Variants in CHRDL1 observed in about 807,000 individuals in gnomAD.
The protein encoded by CHRDL1 is chordin-like protein 1.
CHRDL1 carries 19 observed loss-of-function variants against 40.9 expected under a neutral mutation model. The ratio of observed to expected loss-of-function variants is 0.46; its 90% CI spans 0.32 to 0.68. The LOEUF (loss-of-function observed/expected upper bound fraction) is 0.68. Ranked by LOEUF, CHRDL1 falls within the 30% of genes least tolerant of loss-of-function variation. CHRDL1 has a pLI of 0.03. For missense variants in CHRDL1, 329 were observed against 352.1 expected, an observed-to-expected ratio of 0.93 and a Z score of 0.53; for synonymous variants, 136 against 123.4, an observed-to-expected ratio of 1.10 and a Z score of -0.68.
In CHRDL1 at chrX:110,745,922, G is replaced by A. The variant is rs749291991; in HGVS notation, c.301+13739C>T. Among the ~76,000 whole-genome samples, 4 of 112,273 alleles carry A rather than the reference G, an allele frequency of 3.6e-5. No individual in the cohort carries two copies. In the South Asian group the frequency reaches 1.1e-3, roughly 31 times the overall value. ...CTTCTCTGACTAAGGCTGCTGTCCAGTATTTCTCAATAGAGCCACCACTGG... is the reference window on the plus strand; with the variant it reads ...CTTCTCTGACTAAGGCTGCTGTCCAATATTTCTCAATAGAGCCACCACTGG... On this transcript the variant is annotated intron_variant, in intron 4 of 11. Coordinates refer to ENST00000372042, the MANE Select transcript of CHRDL1 (RefSeq NM_001143981.2).
chrX:110,708,858 C>A (rs772048135), intron 6 of CHRDL1, among the ~76,000 whole-genome samples: 1 of 111,332 alleles, frequency 9.0e-6, no homozygotes, highest in African/African-American at 3.3e-5. Context: ...TCAGAGCAGT[C>A]CCAATGCATC....
At chrX:110,713,654 T>G (rs2070784967) in intron 6 of CHRDL1, among the ~76,000 whole-genome samples, 1 of 112,441 alleles carries the variant, frequency 8.9e-6, no homozygotes, top group Non-Finnish European at 1.9e-5. Context: ...GCTCTGCCAC[T>G]TACTACCATT....
At chrX:110,769,612 T>C (rs2089720096) in intron 2 of CHRDL1, among the ~76,000 whole-genome samples, 1 of 112,104 alleles carries the variant, frequency 8.9e-6, no homozygotes, top group African/African-American at 3.2e-5. Context: ...TTATTGGACT[T>C]ATAGTTCTAT....
chrX:110,758,468 T>C (rs2089498655), intron 4 of CHRDL1, among the ~76,000 whole-genome samples: 2 of 111,647 alleles, frequency 1.8e-5, no homozygotes, highest in Non-Finnish European at 3.8e-5. Flanking sequence ...GTGTATTTAC[T>C]GATGCAGGAA....
In CHRDL1 at chrX:110,744,336, AT is replaced by A. The variant is rs57441558; in HGVS notation, c.301+15324del. On this transcript the variant is annotated intron_variant, in intron 4 of 11. Coordinates refer to ENST00000372042, the MANE Select transcript of CHRDL1 (RefSeq NM_001143981.2). ...TCTTATGTATCCTGTCCTTTTAGTG[AT>A]TTTTTTCCCCCTTTTTGCTTCTTCC... Among the ~76,000 whole-genome samples the A allele has an allele frequency of 6.2e-3, 691 of 110,576 alleles. 5 individuals are homozygous for A. The highest frequency in any genetic ancestry group is 0.021 in the African/African-American group (621 of 30,111).
chrX:110,742,341 G>C (rs1384681095), intron 4 of CHRDL1, among the ~76,000 whole-genome samples: 2 of 112,153 alleles, frequency 1.8e-5, no homozygotes, highest in East Asian at 2.8e-4. Flanking sequence ...TGTTGCACAG[G>C]CTTCTCTAAT....
rs59391928 is a variant in CHRDL1 at position 110,674,505 on chromosome X, A to ACACACACACACAC, written c.*1725_*1726insGTGTGTGTGTGTG. The ACACACACACACAC allele has an allele frequency of 9.8e-6, 1 of 102,491 alleles. No individual in the cohort carries two copies. Among genetic ancestry groups the ACACACACACACAC allele is most frequent in the African/African-American group, 3.6e-5 (1 of 27,637 alleles). 8.4% of individuals were successfully genotyped at this position (102,491 alleles called of 1,213,427 possible). On this transcript the variant is annotated 3_prime_UTR_variant, in exon 12 of 12. Transcript: ENST00000372042. ...CACACACACACACACACACACACAC[A>ACACACACACACAC]AACTAATGCTTTGTGACCTCTCAAC...
At position 110,690,589 on chromosome X, in the gene CHRDL1, T is replaced by G. The variant is rs749552605; in HGVS notation, c.779-1786A>C. 1.3e-4 allele frequency among the ~76,000 whole-genome samples: 14 copies of G among 110,717 alleles called. No individual in the cohort carries two copies. The South Asian group carries it at 3.1e-3, about 25-fold the overall frequency. On this transcript the variant is annotated intron_variant, in intron 8 of 11. Coordinates refer to ENST00000372042, the MANE Select transcript of CHRDL1 (RefSeq NM_001143981.2). ...CTTCCGGATCCTGAAGCAAATCCAT[T>G]CAGAATGTCAAATGCTATGAGTCTG... is the stretch of plus-strand genomic sequence containing the variant.
chrX:110,712,563 G>A (rs971948054), intron 6 of CHRDL1, among the ~76,000 whole-genome samples: 7 of 111,385 alleles, frequency 6.3e-5, no homozygotes, highest in Non-Finnish European at 1.1e-4. Context: ...ATGGTAGCAT[G>A]ATCAAGTAGT....
intron 4 of CHRDL1, among the ~76,000 whole-genome samples, chrX:110,726,450 C>A (rs2071059528): frequency 1.8e-5 from 2 of 111,721 alleles, no homozygotes; most frequent in Non-Finnish European, 3.8e-5. Context: ...GAGAACAAAT[C>A]TGATGGTACC....
At chrX:110,704,924 A>G (rs2070592249) in intron 6 of CHRDL1, among the ~76,000 whole-genome samples, 1 of 111,587 alleles carries the variant, frequency 9.0e-6, no homozygotes, top group African/African-American at 3.3e-5. Context: ...TCCTTTTAAA[A>G]TGTAGATTTA....
intron 6 of CHRDL1, among the ~76,000 whole-genome samples, chrX:110,710,656 C>A (rs1265373556): frequency 9.0e-6 from 1 of 111,622 alleles, no homozygotes; most frequent in East Asian, 2.8e-4. Flanking sequence ...GGGACGGGGT[C>A]CTGGGACAGT....
chrX:110,684,566 G>A (rs575890386), intron 9 of CHRDL1, among the ~76,000 whole-genome samples: 2 of 112,170 alleles, frequency 1.8e-5, no homozygotes, highest in African/African-American at 3.2e-5. Flanking sequence ...TTTCTTCACA[G>A]CACTCATCAC....
intron 6 of CHRDL1, among the ~76,000 whole-genome samples, chrX:110,703,242 T>C (rs887605589): frequency 1.4e-4 from 16 of 112,028 alleles, no homozygotes; most frequent in Admixed American, 9.5e-5. Flanking sequence ...TGCAGGAGTT[T>C]GTGAATAACC....
chrX:110,705,613 G>A (rs1253779413), intron 6 of CHRDL1, among the ~76,000 whole-genome samples: 7 of 104,642 alleles, frequency 6.7e-5, no homozygotes, highest in African/African-American at 2.4e-4. Flanking sequence ...ATGCTCAAAG[G>A]AAATTCTCAC....
intron 7 of CHRDL1, among the ~76,000 whole-genome samples, chrX:110,700,225 G>A (rs1446176311): frequency 9.0e-6 from 1 of 111,665 alleles, no homozygotes; most frequent in Non-Finnish European, 1.9e-5. Context: ...CTGTATGACT[G>A]AGAGCCTAAG....
At chrX:110,718,957 G>A (rs1223064019) in intron 6 of CHRDL1, among the ~76,000 whole-genome samples, 1 of 111,504 alleles carries the variant, frequency 9.0e-6, no homozygotes, top group African/African-American at 3.3e-5. Flanking sequence ...TGGCAATAAA[G>A]TATCTTATGT....
intron 6 of CHRDL1, among the ~76,000 whole-genome samples, chrX:110,710,555 C>T (rs1444511528): frequency 8.9e-6 from 1 of 112,364 alleles, no homozygotes; most frequent in East Asian, 2.8e-4. Context: ...AAAGTCAACG[C>T]TGTCCCATCC....
At chrX:110,704,625 A>G (rs1275711214) in intron 6 of CHRDL1, among the ~76,000 whole-genome samples, 3 of 111,597 alleles carry the variant, frequency 2.7e-5, no homozygotes, top group Non-Finnish European at 5.6e-5. Context: ...CAAAGGGGAA[A>G]TCAGTATCTG....
Sources: allele counts gnomAD v4.1 joint callset (sites outside exome capture counted in the v4.1 genomes callset), GRCh38; gene constraint gnomAD v4.1.1; transcripts MANE v1.5; gene names NCBI Gene and HGNC (gene_info 2026-07-23, HGNC 2026-07-21).